Variants in KMT5C observed in about 807,000 individuals in gnomAD.
KMT5C encodes the protein lysine methyltransferase 5C.
Under a neutral mutation model 38.2 loss-of-function variants are expected in KMT5C, and 16 were observed. The observed-to-expected ratio is 0.42, with a 90% CI of 0.28 to 0.64. KMT5C has a LOEUF of 0.64. KMT5C is among the 30% of genes least tolerant of loss of function. The pLI is 0.23. For synonymous variants in KMT5C, 291 were observed against 279.0 expected (o/e 1.04, Z -0.43); for missense variants, 598 against 665.1 (o/e 0.90, Z 1.11).
chr19:55,341,763 A>G (rs2089559824), intron 1 of KMT5C, 31 bp from the exon 2 acceptor site: 1 of 609,744 alleles, frequency 1.6e-6, no homozygotes, highest in East Asian at 2.8e-5. Context: ...GGCCTGGTGA[A>G]GTCAGCACTG....
intron 6 of KMT5C, 184 bp downstream of exon 6, chr19:55,344,181 T>C: frequency 1.8e-6 from 1 of 569,604 alleles, no homozygotes; most frequent in Non-Finnish European, 3.1e-6. Flanking sequence ...GAGACCACGG[T>C]GAAACCCCAT....
In KMT5C at chr19:55,343,614, G is replaced by A. The variant is rs758924522; in HGVS notation, c.387-66G>A. On this transcript the variant is annotated intron_variant, in intron 4 of 8. Coordinates refer to ENST00000255613, the MANE Select transcript of KMT5C (RefSeq NM_032701.4). This position sits in a 1 kb window ranked among gnomAD's most constrained non-coding sequence, Gnocchi z 5.5. ...CTGGGTGCCTCTGTGCCGGAGGCCC[G>A]AGTCCCCTGAACACCTGCAGGAGGC... is the stretch of plus-strand genomic sequence containing the variant. 1.3e-5 allele frequency: 20 copies of A among 1,507,288 alleles called. No homozygotes were observed. Among genetic ancestry groups the A allele is most frequent in the South Asian group, 1.1e-4 (9 of 82,884 alleles). The allele number at this position is 1,507,288 out of a possible 1,614,324, so 93.4% of individuals were successfully genotyped here.
In KMT5C at chr19:55,346,276, G is replaced by A. The variant is rs1327426282; in HGVS notation, c.634G>A (p.Glu212Lys). 7 of 1,613,976 alleles carry A rather than the reference G, an allele frequency of 4.3e-6. No individual in the cohort carries two copies. The highest frequency in any genetic ancestry group is 2.2e-5 in the East Asian group (1 of 44,886). The change falls in exon 7 of 9, where the codon GAG becomes AAG. Residue 212 changes from glutamate to lysine, a missense_variant. By Grantham distance (56) the Glu-to-Lys change is moderately conservative. Coordinates refer to ENST00000255613, the MANE Select transcript of KMT5C (RefSeq NM_032701.4). ...GCTCCGGGACATTGAGCCTGGGGAC[G>A]AGGTGACATGCTTCTACGGCGAGGG... The part of the protein sequence containing the change: ...KVLRDIEPGD[E>K]VTCFYGEGFF...
intron 1 of KMT5C, 165 bp from the exon 2 acceptor site, chr19:55,341,629 T>G: frequency 1.8e-5 from 7 of 393,458 alleles, no homozygotes; most frequent in South Asian, 2.7e-5. Flanking sequence ...CATGTGGGGG[T>G]TGTGTGTTTA....
In KMT5C at chr19:55,342,839, C is replaced by T. The variant is rs2089575027; in HGVS notation, c.374C>T (p.Ser125Phe). ...GAGACCAACGGGGCCAAGATCGTGT[C>T]CACTCGTGCTTGGTAAGAGGGCAGG... The part of the protein sequence containing the change: ...SMETNGAKIV[S>F]TRAWKKNEKL... The change falls in exon 4 of 9, where the codon TCC (serine) becomes TTC (phenylalanine). Residue 125 changes from serine to phenylalanine, a missense_variant. Ser to Phe is a radical substitution (Grantham distance 155, BLOSUM62 -2). Coordinates refer to ENST00000255613, the MANE Select transcript of KMT5C (RefSeq NM_032701.4). 6 of 1,597,564 alleles carry T rather than the reference C, an allele frequency of 3.8e-6. No individual in the cohort carries two copies. The highest frequency in any genetic ancestry group is 1.7e-5 in the Admixed American group (1 of 59,974).
At chr19:55,340,414 T>C (rs552318123) in intron 1 of KMT5C, among the ~76,000 whole-genome samples, 1 of 151,824 alleles carries the variant, frequency 6.6e-6, no homozygotes, top group East Asian at 1.9e-4. Context: ...GGCCTCCTTC[T>C]GGACCCTCTA....
In KMT5C at chr19:55,347,111, G is replaced by A. The variant is rs1441943847; in HGVS notation, c.1051G>A (p.Ala351Thr). The A allele has an allele frequency of 1.0e-5, 16 of 1,552,638 alleles. No homozygotes were observed. The highest frequency in any genetic ancestry group is 1.4e-5 in the African/African-American group (1 of 73,590). Reference sequence around the variant, plus strand: ...GGCCCCAGTGCTCTCCACCCACCACGCTGCCCGCGTCTCCCTGCACCGATG... The same window carrying A: ...GGCCCCAGTGCTCTCCACCCACCACACTGCCCGCGTCTCCCTGCACCGATG... ...RRAPVLSTHH[A>T]ARVSLHRWGG... Residue 351 changes from alanine (A) to threonine (T), a missense_variant, in exon 9 of 9, where the codon GCT becomes ACT. Transcript: ENST00000255613. This position sits in a 1 kb window ranked among gnomAD's most constrained non-coding sequence, Gnocchi z 4.6.
In KMT5C at chr19:55,347,528, G is replaced by A. The variant is rs1443977325; in HGVS notation, c.*79G>A. On this transcript the variant is annotated 3_prime_UTR_variant, in exon 9 of 9. Coordinates refer to ENST00000255613, the MANE Select transcript of KMT5C (RefSeq NM_032701.4). This position sits in a 1 kb window ranked among gnomAD's most constrained non-coding sequence, Gnocchi z 4.6. ...CCCAGGACCTCCAGAAGGAGCCCTT[G>A]GACCTCTGGGAGGGAGCTGACCCTT... The A allele has an allele frequency of 6.8e-7, 1 of 1,462,830 alleles. No homozygotes were observed. The highest frequency in any genetic ancestry group is 9.0e-7 in the Non-Finnish European group (1 of 1,114,728). The allele number at this position is 1,462,830 out of a possible 1,614,324, so 90.6% of individuals were successfully genotyped here. A position where few individuals can be genotyped will look rare whatever the true frequency, so the allele number is the denominator to read the frequency against.
intron 6 of KMT5C, chr19:55,344,337 G>A (rs559357166): frequency 1.4e-5 from 4 of 284,354 alleles, no homozygotes; most frequent in African/African-American, 2.2e-5. Context: ...ACTCCAGCCT[G>A]GGCCACAGAG....
Position 55,346,341 on chromosome 19 carries a change from C to G in KMT5C, c.699C>G (p.Thr233=), listed in dbSNP as rs745763370. Reference sequence around the variant, plus strand: ...AGAATGAGCACTGTGAATGCCACACCTGTGAGAGGTGGGACCGGGCGAGAG... The same window carrying G: ...AGAATGAGCACTGTGAATGCCACACGTGTGAGAGGTGGGACCGGGCGAGAG... ...GEKNEHCECH[T]CERKGEGAFR... The change falls in exon 7 of 9, where the codon ACC becomes ACG. Residue 233 remains threonine, a synonymous_variant. Coordinates refer to ENST00000255613, the MANE Select transcript of KMT5C (RefSeq NM_032701.4). 13 of 1,614,030 alleles carry G rather than the reference C, an allele frequency of 8.1e-6. No individual in the cohort carries two copies. In the Admixed American group the frequency reaches 2.0e-4, roughly 25 times the overall value.
At position 55,341,926 on chromosome 19, in the gene KMT5C, C is replaced by T. The variant is rs372856655; in HGVS notation, c.-11C>T. Reference sequence around the variant, plus strand: ...GCTCTCTGCCAGAGGCAGCATGGTCCGCAGGGCACCATGGGGCCCGACAGA... The same window carrying T: ...GCTCTCTGCCAGAGGCAGCATGGTCTGCAGGGCACCATGGGGCCCGACAGA... On this transcript the variant is annotated 5_prime_UTR_variant, in exon 2 of 9. Coordinates refer to ENST00000255613, the MANE Select transcript of KMT5C (RefSeq NM_032701.4). The T allele has an allele frequency of 1.3e-5, 21 of 1,608,096 alleles. No individual in the cohort carries two copies. Among genetic ancestry groups the T allele is most frequent in the East Asian group, 2.2e-5 (1 of 44,866 alleles).
At chr19:55,345,470 CAGTAGG>C (rs1335892415) in intron 6 of KMT5C, among the ~76,000 whole-genome samples, 4 of 151,964 alleles carry the variant, frequency 2.6e-5, no homozygotes, top group African/African-American at 9.7e-5. Context: ...GGGCTGACTC[CAGTAGG>C]GGTCTCGGGG....
Position 55,342,539 on chromosome 19 carries a change from TAGGAG to T in KMT5C, c.276+167_276+171del, listed in dbSNP as rs1264528711. 1.5e-5 allele frequency: 10 copies of T among 662,794 alleles called. No homozygotes were observed. The African/African-American group carries it at 1.6e-4, about 11-fold the overall frequency. The allele number at this position is 662,794 out of a possible 1,614,324, so 41.1% of individuals were successfully genotyped here. ...ATCTGAGGCAAGGCTCAGAGAATCC[TAGGAG>T]AGGAGAGTTGGGGGGGCCCTCTGAG... On this transcript the variant is annotated intron_variant, in intron 3 of 8. Transcript: ENST00000255613.
At position 55,343,803 on chromosome 19, in the gene KMT5C, T is replaced by C. The variant is rs149466606; in HGVS notation, c.510T>C (p.Ser170=). The C allele has an allele frequency of 1.6e-4, 254 of 1,613,512 alleles. No individual in the cohort carries two copies. In the African/African-American group the frequency reaches 3.1e-3, roughly 20 times the overall value. The part of the protein sequence containing the change: ...FSIMYSTRKR[S]AQLWLGPAAF... ...TCATGTACTCAACCCGCAAGCGGAG[T>C]GCTCAGCTGTGGCTGGGCCCAGCCG... The change falls in exon 5 of 9, where the codon AGT becomes AGC. Residue 170 remains serine (S), a synonymous_variant. Coordinates refer to ENST00000255613, the MANE Select transcript of KMT5C (RefSeq NM_032701.4). This position sits in a 1 kb window ranked among gnomAD's most constrained non-coding sequence, Gnocchi z 5.5.
intron 6 of KMT5C, among the ~76,000 whole-genome samples, chr19:55,345,394 C>A (rs1467236710): frequency 6.6e-6 from 1 of 152,034 alleles, no homozygotes; most frequent in Admixed American, 6.5e-5. Flanking sequence ...CCTGGAGGCC[C>A]ATGTGCAGGA....
At chr19:55,340,598 C>T (rs1458670470) in intron 1 of KMT5C, among the ~76,000 whole-genome samples, 1 of 151,166 alleles carries the variant, frequency 6.6e-6, no homozygotes, top group African/African-American at 2.4e-5. Flanking sequence ...TTCCTGGATC[C>T]CCCAGGACCC....
chr19:55,346,390 G>A (rs1381478986), intron 7 of KMT5C, 41 bp downstream of exon 7: 2 of 1,613,106 alleles, frequency 1.2e-6, no homozygotes, highest in Admixed American at 1.7e-5. Context: ...GGTCGTCTGG[G>A]CTTCTTGAGC....
chr19:55,339,936 TGAG>T lies in KMT5C; in HGVS notation c.-152_-150del, dbSNP rs778771978. On this transcript the variant is annotated 5_prime_UTR_variant, in exon 1 of 9. Coordinates refer to ENST00000255613, the MANE Select transcript of KMT5C (RefSeq NM_032701.4). ...TGTTGGCGGCGGCGGCGCGGGCGCC[TGAG>T]GAGGAGGAGGAGAAGCGGGTGAGGG... 20 of 153,808 alleles carry T rather than the reference TGAG, an allele frequency of 1.3e-4. No individual in the cohort carries two copies. The highest frequency in any genetic ancestry group is 5.8e-4 in the East Asian group (3 of 5,208). 9.5% of individuals were successfully genotyped at this position (153,808 alleles called of 1,614,324 possible).
intron 6 of KMT5C, 62 bp from the exon 7 acceptor site, chr19:55,346,150 TG>T: frequency 6.3e-7 from 1 of 1,598,360 alleles, no homozygotes; most frequent in Non-Finnish European, 8.5e-7. Flanking sequence ...CGGCCAGGTG[TG>T]GGGAGTGGGT....
Sources: allele counts gnomAD v4.1 joint callset (sites outside exome capture counted in the v4.1 genomes callset), GRCh38; gene constraint gnomAD v4.1.1; non-coding constraint Gnocchi (gnomAD v3.1); transcripts MANE v1.5; gene names NCBI Gene and HGNC (gene_info 2026-07-23, HGNC 2026-07-21).